The following CMTM1 variants were observed in gnomAD, a reference collection of about 807,000 sequenced individuals.
CMTM1 encodes the protein CKLF-like MARVEL transmembrane domain-containing protein 1.
A neutral mutation model predicts 17.8 loss-of-function variants in CMTM1; 16 were observed. The observed-to-expected ratio is 0.90, with a 90% CI of 0.61 to 1.37. CMTM1 has a LOEUF of 1.37. CMTM1 is among the 40% of genes most tolerant of loss of function. The pLI is 0.00. For missense variants in CMTM1, 354 were observed against 375.6 expected (o/e 0.94, Z 0.47); for synonymous variants, 169 against 154.6 (o/e 1.09, Z -0.69).
At chr16:66,575,465 T>C (rs2014113620) in intron 2 of CMTM1, 1 of 153,452 alleles carries the variant, frequency 6.5e-6, no homozygotes, top group Non-Finnish European at 1.4e-5. Flanking sequence ...TGGTACTGTA[T>C]CATTTTGACC....
intron 2 of CMTM1, chr16:66,574,999 A>G (rs776986207): frequency 3.6e-5 from 35 of 984,806 alleles, no homozygotes; most frequent in Non-Finnish European, 4.0e-5. Flanking sequence ...CCTGCCCACT[A>G]TGGGCAGACC....
intron 1 of CMTM1, among the ~76,000 whole-genome samples, chr16:66,568,366 C>A (rs2012931535): frequency 6.6e-6 from 1 of 152,012 alleles, no homozygotes; most frequent in African/African-American, 2.4e-5. Context: ...GAACATGTGA[C>A]AAAATTCAAC....
At position 66,566,871 on chromosome 16, in the gene CMTM1, G is replaced by A. The variant is rs1206235546; in HGVS notation, c.358G>A (p.Val120Ile). 1.9e-6 allele frequency: 3 copies of A among 1,613,934 alleles called. No individual in the cohort carries two copies. The Admixed American group carries it at 5.0e-5, about 27-fold the overall frequency. ...IKERVEGRAK[V>I]PYKFRDSLKR... The stretch of plus-strand genomic sequence containing the variant: ...AGAGCGCGTGGAGGGCCGAGCCAAA[G>A]TCCCGTACAAATTCAGGGACAGCCT... The change falls in exon 1 of 4, where the codon GTC (valine) becomes ATC (isoleucine). Residue 120 changes from valine to isoleucine, a missense_variant. Physicochemically the swap from Val to Ile is conservative, Grantham distance 29. Coordinates refer to ENST00000379500, the MANE Select transcript of CMTM1 (RefSeq NM_052999.4). This position sits in a 1 kb window ranked among gnomAD's most constrained non-coding sequence, Gnocchi z 4.9.
rs377278322 is a variant in CMTM1 at position 66,566,492 on chromosome 16, G to C, written c.-22G>C. The C allele has an allele frequency of 3.2e-6, 5 of 1,567,962 alleles. No homozygotes were observed. The highest frequency in any genetic ancestry group is 4.3e-6 in the Non-Finnish European group (5 of 1,159,172). On this transcript the variant is annotated 5_prime_UTR_variant, in exon 1 of 4. Coordinates refer to ENST00000379500, the MANE Select transcript of CMTM1 (RefSeq NM_052999.4). This position sits in a 1 kb window ranked among gnomAD's most constrained non-coding sequence, Gnocchi z 4.9. ...CCGCTGCCGCGGCACTGGTTCAGAC[G>C]GCCAGGCCCTAGGGACCCACCATGG...
chr16:66,573,912 C>T (rs1302222731), intron 2 of CMTM1, among the ~76,000 whole-genome samples: 1 of 151,764 alleles, frequency 6.6e-6, no homozygotes. Context: ...GTCTCGAACT[C>T]CTGACCTCAG....
At chr16:66,568,571 A>C (rs552395477) in intron 1 of CMTM1, among the ~76,000 whole-genome samples, 1 of 152,242 alleles carries the variant, frequency 6.6e-6, no homozygotes, top group Admixed American at 6.5e-5. Flanking sequence ...TAGTCATCAT[A>C]ATTAGGAATG....
intron 1 of CMTM1, 35 bp from the exon 2 acceptor site, chr16:66,569,901 A>C (rs1042445451): frequency 4.0e-6 from 6 of 1,513,680 alleles, no homozygotes; most frequent in Non-Finnish European, 4.5e-6. Flanking sequence ...TTTTTAAATC[A>C]TGCATTAAAA....
Position 66,579,014 on chromosome 16 carries a change from G to A in CMTM1, c.*13G>A, listed in dbSNP as rs1428440492. ...GAGGCCCGCCTGAAGCCAGCCCGGC[G>A]CCCTAGCAGATGCACGTGTCTGTCG... On this transcript the variant is annotated 3_prime_UTR_variant, in exon 4 of 4. Coordinates refer to ENST00000379500, the MANE Select transcript of CMTM1 (RefSeq NM_052999.4). This position sits in a 1 kb window ranked among gnomAD's most constrained non-coding sequence, Gnocchi z 6.5. The A allele has an allele frequency of 6.8e-6, 11 of 1,610,802 alleles. No homozygotes were observed. The highest frequency in any genetic ancestry group is 8.5e-6 in the Non-Finnish European group (10 of 1,179,020).
intron 1 of CMTM1, among the ~76,000 whole-genome samples, chr16:66,568,364 G>C (rs2012930846): frequency 6.6e-6 from 1 of 152,140 alleles, no homozygotes; most frequent in African/African-American, 2.4e-5. Flanking sequence ...CAGAACATGT[G>C]ACAAAATTCA....
chr16:66,579,065 G>A lies in CMTM1; in HGVS notation c.*64G>A, dbSNP rs1019022444. The A allele has an allele frequency of 9.6e-6, 15 of 1,561,206 alleles. No individual in the cohort carries two copies. The Admixed American group carries it at 2.1e-4, about 22-fold the overall frequency. On this transcript the variant is annotated 3_prime_UTR_variant, in exon 4 of 4. Transcript: ENST00000379500. The surrounding 1 kb of genome is among the most constrained non-coding windows in gnomAD (Gnocchi z 6.5). ...AATCGCTGCCTCCGAGCCCACCCCC[G>A]AGCTCGCATGCTGTCACCCATTCCA...
chr16:66,579,048 C>T lies in CMTM1; in HGVS notation c.*47C>T. The T allele has an allele frequency of 6.3e-7, 1 of 1,594,814 alleles. No individual in the cohort carries two copies. The highest frequency in any genetic ancestry group is 8.5e-7 in the Non-Finnish European group (1 of 1,172,334). On this transcript the variant is annotated 3_prime_UTR_variant, in exon 4 of 4. Coordinates refer to ENST00000379500, the MANE Select transcript of CMTM1 (RefSeq NM_052999.4). The surrounding 1 kb of genome is among the most constrained non-coding windows in gnomAD (Gnocchi z 6.5). ...GATGCACGTGTCTGTCGAATCGCTGCCTCCGAGCCCACCCCCGAGCTCGCA... is the reference window on the plus strand; with the variant it reads ...GATGCACGTGTCTGTCGAATCGCTGTCTCCGAGCCCACCCCCGAGCTCGCA...
In CMTM1 at chr16:66,566,977, C is replaced by T. The variant is rs1597145603; in HGVS notation, c.432+32C>T. ...GGAGAGCTGGTGAGACCTAGCTGGG[C>T]GGATGTGGCCGGCAGTGGCCTCGGG... On this transcript the variant is annotated intron_variant, in intron 1 of 3. Coordinates refer to ENST00000379500, the MANE Select transcript of CMTM1 (RefSeq NM_052999.4). The surrounding 1 kb of genome is among the most constrained non-coding windows in gnomAD (Gnocchi z 4.9). 9 of 1,612,032 alleles carry T rather than the reference C, an allele frequency of 5.6e-6. No individual in the cohort carries two copies. Among genetic ancestry groups the T allele is most frequent in the South Asian group, 2.2e-5 (2 of 90,990 alleles).
At chr16:66,567,142 T>C (rs1050276267) in intron 1 of CMTM1, 197 bp downstream of exon 1, 37 of 655,252 alleles carry the variant, frequency 5.6e-5, no homozygotes, top group Non-Finnish European at 8.7e-5. Flanking sequence ...CCTCTTTTTT[T>C]CCCTATTTTT....
chr16:66,571,467 A>T (rs1433852348), intron 2 of CMTM1, among the ~76,000 whole-genome samples: 1 of 152,206 alleles, frequency 6.6e-6, no homozygotes, highest in African/African-American at 2.4e-5. Flanking sequence ...AAACTCAGAT[A>T]TGCACCCAGG....
Position 66,566,726 on chromosome 16 carries a change from CAGTG to C in CMTM1, c.216_219del (p.Ser72ArgfsTer33), listed in dbSNP as rs777307953. The C allele has an allele frequency of 2.9e-5, 46 of 1,614,014 alleles. No homozygotes were observed. The highest frequency in any genetic ancestry group is 3.6e-5 in the Non-Finnish European group (43 of 1,179,984). On this transcript the variant is annotated frameshift_variant, in exon 1 of 4. Coordinates refer to ENST00000379500, the MANE Select transcript of CMTM1 (RefSeq NM_052999.4). LOFTEE classifies it high-confidence loss of function. The surrounding 1 kb of genome is among the most constrained non-coding windows in gnomAD (Gnocchi z 4.9). ...CCGCAGCCGCCGCACGTCCCCAAGG[CAGTG>C]AGGGCACCGCACCCTCAAGGAAAGC...
chr16:66,575,098 G>A, intron 2 of CMTM1: 1 of 985,276 alleles, frequency 1.0e-6, no homozygotes, highest in Non-Finnish European at 1.2e-6. Context: ...TAACTACCAG[G>A]CACCAAAACA....
intron 2 of CMTM1, among the ~76,000 whole-genome samples, chr16:66,574,266 C>T (rs1298938983): frequency 6.6e-6 from 1 of 152,190 alleles, no homozygotes; most frequent in Non-Finnish European, 1.5e-5. Flanking sequence ...CATGGCCAAG[C>T]TCAGCTGCAA....
chr16:66,578,010 A>G (rs550410635), intron 3 of CMTM1, among the ~76,000 whole-genome samples: 26 of 152,362 alleles, frequency 1.7e-4, no homozygotes, highest in South Asian at 1.0e-3. Context: ...GGAAGCTCAC[A>G]GATTCACTGG....
At position 66,577,200 on chromosome 16, in the gene CMTM1, G is replaced by A. The variant is rs767972506; in HGVS notation, c.688G>A (p.Gly230Arg). The A allele has an allele frequency of 4.3e-6, 7 of 1,612,986 alleles. No individual in the cohort carries two copies. Among genetic ancestry groups the A allele is most frequent in the East Asian group, 2.2e-5 (1 of 44,864 alleles). ...AAGAAGGCATTTACTCTATGTCGGGGGGGTAAGTAGAGGCCTTCATGACTC... is the reference window on the plus strand; with the variant it reads ...AAGAAGGCATTTACTCTATGTCGGGAGGGTAAGTAGAGGCCTTCATGACTC... ...KKRRHLLYVG[G>R]SLCLTAVIVC... is the part of the protein sequence containing the mutation. The change falls in exon 3 of 4, where the codon GGG becomes AGG. Residue 230 changes from glycine to arginine, a missense_variant and splice_region_variant. Coordinates refer to ENST00000379500, the MANE Select transcript of CMTM1 (RefSeq NM_052999.4).
Sources: gnomAD v4.1 joint callset for allele counts (sites outside exome capture counted in the v4.1 genomes callset) on GRCh38, gnomAD v4.1.1 for gene constraint, Gnocchi (gnomAD v3.1) non-coding constraint, MANE v1.5 for transcripts, NCBI Gene and HGNC (gene_info 2026-07-23, HGNC 2026-07-21) for gene names.